SLIT2: variants seen among roughly 807,000 people sequenced by gnomAD.
SLIT2 encodes slit homolog 2 protein.
A neutral mutation model predicts 185.7 loss-of-function variants in SLIT2; 41 were observed. That is an observed-to-expected ratio of 0.22 (90% confidence interval 0.17 to 0.29). SLIT2 has a LOEUF of 0.29. Ranked by LOEUF, SLIT2 falls within the 10% of genes least tolerant of loss-of-function variation. SLIT2 has a pLI of 1.00. For synonymous variants in SLIT2, 693 were observed against 680.2 expected (o/e 1.02, Z -0.29); for missense variants, 1,571 against 1,909.0 (o/e 0.82, Z 3.30).
chr4:20,605,414 G>C (rs1370454541), intron 33 of SLIT2, among the ~76,000 whole-genome samples: 3 of 152,166 alleles, frequency 2.0e-5, no homozygotes, highest in Non-Finnish European at 4.4e-5. Flanking sequence ...AAATAGGTGA[G>C]CGTAGTAAAA....
At chr4:20,577,050 G>C (rs1307596502) in intron 29 of SLIT2, among the ~76,000 whole-genome samples, 1 of 151,686 alleles carries the variant, frequency 6.6e-6, no homozygotes, top group Non-Finnish European at 1.5e-5. Flanking sequence ...ACCATGCTAA[G>C]TATTGAAAGT....
intron 2 of SLIT2, 126 bp downstream of exon 2, chr4:20,256,869 T>G: frequency 1.9e-6 from 1 of 524,186 alleles, no homozygotes; most frequent in Non-Finnish European, 3.4e-6. Context: ...CATGCTTTCC[T>G]TTTTTCTGTG....
intron 9 of SLIT2, among the ~76,000 whole-genome samples, chr4:20,500,815 C>A (rs1035686941): frequency 1.3e-5 from 2 of 152,044 alleles, no homozygotes; most frequent in South Asian, 2.1e-4. Flanking sequence ...ATTAGAATTG[C>A]GTTCTCAAAT....
chr4:20,284,354 T>A (rs1047144096), intron 4 of SLIT2, among the ~76,000 whole-genome samples: 1 of 152,230 alleles, frequency 6.6e-6, no homozygotes, highest in African/African-American at 2.4e-5. Context: ...CATTATTAGC[T>A]TACTAACCAA....
intron 4 of SLIT2, among the ~76,000 whole-genome samples, chr4:20,276,495 G>A (rs1714179104): frequency 6.6e-6 from 1 of 152,180 alleles, no homozygotes; most frequent in Non-Finnish European, 1.5e-5. Flanking sequence ...GCATAGAGGT[G>A]TGAAATGTTA....
chr4:20,403,731 G>A (rs760291808), intron 4 of SLIT2, among the ~76,000 whole-genome samples: 2 of 151,840 alleles, frequency 1.3e-5, no homozygotes, highest in East Asian at 1.9e-4. Flanking sequence ...AATAAGCTCC[G>A]TTAGCAAAAC....
rs1018404809 is a variant in SLIT2 at position 20,580,817 on chromosome 4, T to C, written c.3089-8827T>C. 7.2e-5 allele frequency among the ~76,000 whole-genome samples: 11 copies of C among 152,296 alleles called. 1 individual carries two copies. The East Asian group carries it at 1.7e-3, about 24-fold the overall frequency. On this transcript the variant is annotated intron_variant, in intron 29 of 36. Coordinates refer to ENST00000504154, the MANE Select transcript of SLIT2 (RefSeq NM_004787.4). The stretch of plus-strand genomic sequence containing the variant: ...TCTTGAAGCACGGGGAGCCTTGTCA[T>C]GGAGCACTCCTTCTCCTTTGTGCAC...
chr4:20,617,935 A>G (rs1425687118), intron 36 of SLIT2, among the ~76,000 whole-genome samples: 1 of 152,190 alleles, frequency 6.6e-6, no homozygotes, highest in Non-Finnish European at 1.5e-5. Context: ...ATTTGTTGTA[A>G]AAGAAATGCT....
chr4:20,365,556 C>CT (rs1560356469), intron 4 of SLIT2, among the ~76,000 whole-genome samples: 3 of 152,206 alleles, frequency 2.0e-5, no homozygotes, highest in Admixed American at 6.5e-5. Context: ...TCACTTCTTT[C>CT]TTTTTTTCAG....
At position 20,570,268 on chromosome 4, in the gene SLIT2, G is replaced by A. The variant is rs148809121; in HGVS notation, c.3088+1264G>A. Among the ~76,000 whole-genome samples, 8 of 152,022 alleles carry A rather than the reference G, an allele frequency of 5.3e-5. No individual in the cohort carries two copies. The East Asian group carries it at 7.7e-4, about 15-fold the overall frequency. On this transcript the variant is annotated intron_variant, in intron 29 of 36. Coordinates refer to ENST00000504154, the MANE Select transcript of SLIT2 (RefSeq NM_004787.4). ...TTCTAGTAGTTGTCTATGGCCCTTC[G>A]ACTGCTTAGTGGGTGGAATTTTAGC...
At chr4:20,472,287 G>GATATATATCTATATAT (rs1560452839) in intron 5 of SLIT2, among the ~76,000 whole-genome samples, 8 of 14,880 alleles carry the variant, frequency 5.4e-4, no homozygotes, top group South Asian at 3.1e-3. Context: ...TATATATATA[G>GATATATATCTATATAT]ATATATAGAT....
intron 4 of SLIT2, among the ~76,000 whole-genome samples, chr4:20,320,902 G>C (rs1036828883): frequency 1.3e-5 from 2 of 152,116 alleles, no homozygotes; most frequent in Non-Finnish European, 2.9e-5. Flanking sequence ...AGTGGCCCAT[G>C]CCTGTAATCC....
At chr4:20,270,432 A>C (rs1047526110) in intron 4 of SLIT2, among the ~76,000 whole-genome samples, 2 of 151,908 alleles carry the variant, frequency 1.3e-5, no homozygotes, top group Non-Finnish European at 2.9e-5. Context: ...ATTTTCTTTT[A>C]TGTTTTGTTA....
intron 4 of SLIT2, among the ~76,000 whole-genome samples, chr4:20,321,644 C>T (rs566854723): frequency 7.2e-5 from 11 of 152,134 alleles, no homozygotes; most frequent in Admixed American, 2.0e-4. Context: ...TGGAACCATG[C>T]GGGAAAATTC....
chr4:20,284,653 A>C (rs542682570), intron 4 of SLIT2, among the ~76,000 whole-genome samples: 1 of 152,352 alleles, frequency 6.6e-6, no homozygotes, highest in African/African-American at 2.4e-5. Context: ...CTAAGCACTT[A>C]TGCATAGGTG....
intron 4 of SLIT2, among the ~76,000 whole-genome samples, chr4:20,453,174 C>T (rs1473065471): frequency 6.6e-6 from 1 of 152,058 alleles, no homozygotes; most frequent in African/African-American, 2.4e-5. Context: ...GGTTTTGAAC[C>T]TATTATCCTT....
In SLIT2 at chr4:20,383,451, A is replaced by C. The variant is rs375420059; in HGVS notation, c.396-84301A>C. On this transcript the variant is annotated intron_variant, in intron 4 of 36. Transcript: ENST00000504154. ...TATTTCACCAAAGGGGATACAAACA[A>C]ACACCTGAAAATATGCTTAACATAT... is the stretch of plus-strand genomic sequence containing the variant. 5.9e-5 allele frequency among the ~76,000 whole-genome samples: 9 copies of C among 152,304 alleles called. No homozygotes were observed. The East Asian group carries it at 1.7e-3, about 29-fold the overall frequency.
chr4:20,408,559 C>A (rs1315679948), intron 4 of SLIT2, among the ~76,000 whole-genome samples: 2 of 152,028 alleles, frequency 1.3e-5, no homozygotes, highest in Non-Finnish European at 2.9e-5. Flanking sequence ...GCTCAAAGAA[C>A]CTTCGTTTTT....
intron 4 of SLIT2, among the ~76,000 whole-genome samples, chr4:20,275,872 C>A (rs537591690): frequency 6.6e-6 from 1 of 151,978 alleles, no homozygotes; most frequent in South Asian, 2.1e-4. Context: ...TTCTGAATGA[C>A]AAATGAAGGA....
Sources: allele counts gnomAD v4.1 joint callset (sites outside exome capture counted in the v4.1 genomes callset), GRCh38; gene constraint gnomAD v4.1.1; transcripts MANE v1.5; gene names NCBI Gene and HGNC (gene_info 2026-07-23, HGNC 2026-07-21).